The following HDAC5 variants were observed in gnomAD, a reference collection of about 807,000 sequenced individuals.
HDAC5 encodes histone deacetylase 5.
Under a neutral mutation model 133.3 loss-of-function variants are expected in HDAC5, and 25 were observed. The observed-to-expected ratio is 0.19, with a 90% CI of 0.14 to 0.26. The LOEUF is 0.26. Among genes scored for constraint, HDAC5 ranks in the 10% least tolerant of loss-of-function variants. The pLI, the probability that HDAC5 is intolerant of heterozygous loss-of-function variation, is 1.00. For missense variants in HDAC5, 1,041 were observed against 1,460.5 expected, an observed-to-expected ratio of 0.71 and a Z score of 4.68; for synonymous variants, 589 against 610.8, an observed-to-expected ratio of 0.96 and a Z score of 0.53.
At position 44,084,582 on chromosome 17, in the gene HDAC5, G is replaced by T; in HGVS notation, c.2278C>A (p.Gln760Lys). ...LLYGTSPLNR[Q>K]KLDSKKLLGP... ...AGCAACTTCTTGCTGTCTAGCTTCT[G>T]CCGGTTGAGGGGACTGGTCCCATAG... Residue 760 changes from glutamine to lysine, a missense_variant, in exon 16 of 27, where the codon CAG becomes AAG. Transcript: ENST00000682912. 2 of 1,614,124 alleles carry T rather than the reference G, an allele frequency of 1.2e-6. No homozygotes were observed. The highest frequency in any genetic ancestry group is 1.7e-6 in the Non-Finnish European group (2 of 1,180,002).
intron 3 of HDAC5, among the ~76,000 whole-genome samples, chr17:44,103,018 G>A (rs928832665): frequency 1.3e-5 from 2 of 152,080 alleles, no homozygotes; most frequent in Non-Finnish European, 2.9e-5. Context: ...TACCCTAGAG[G>A]GCAGAATCTC....
At chr17:44,102,527 A>G (rs892454574) in intron 3 of HDAC5, among the ~76,000 whole-genome samples, 3 of 151,632 alleles carry the variant, frequency 2.0e-5, no homozygotes, top group Admixed American at 6.6e-5. Flanking sequence ...CACCCAGCTA[A>G]TTTTTGTATT....
intron 3 of HDAC5, among the ~76,000 whole-genome samples, chr17:44,103,494 C>T (rs1380565095): frequency 6.6e-6 from 1 of 152,154 alleles, no homozygotes; most frequent in Admixed American, 6.5e-5. Flanking sequence ...CCACCCTGCG[C>T]TCCATGCAGG....
chr17:44,120,791 G>A (rs2052943619), intron 1 of HDAC5, among the ~76,000 whole-genome samples: 1 of 151,392 alleles, frequency 6.6e-6, no homozygotes, highest in African/African-American at 2.4e-5. Flanking sequence ...AAAGGTCAAA[G>A]GCACTAGGAA....
intron 23 of HDAC5, among the ~76,000 whole-genome samples, chr17:44,079,497 G>A (rs1472497666): frequency 6.6e-6 from 1 of 151,646 alleles, no homozygotes. Flanking sequence ...ATAATTAGCC[G>A]GCCATGGTGG....
chr17:44,114,775 T>C (rs1315238995), intron 2 of HDAC5, among the ~76,000 whole-genome samples: 1 of 152,144 alleles, frequency 6.6e-6, no homozygotes, highest in East Asian at 1.9e-4. Flanking sequence ...GAGGAGAACA[T>C]GCAGAAGCAA....
intron 3 of HDAC5, among the ~76,000 whole-genome samples, chr17:44,095,444 C>T (rs2143329806): frequency 6.6e-6 from 1 of 152,204 alleles, no homozygotes; most frequent in East Asian, 1.9e-4. Flanking sequence ...TTCTGGATAT[C>T]TCTACCCTCT....
chr17:44,111,631 G>C, intron 2 of HDAC5: 2 of 518,074 alleles, frequency 3.9e-6, no homozygotes, highest in Non-Finnish European at 3.8e-6. Flanking sequence ...TGGCACACAG[G>C]CACCTTCCCT....
chr17:44,086,956 A>G (rs2050682366), intron 13 of HDAC5, among the ~76,000 whole-genome samples: 1 of 108,368 alleles, frequency 9.2e-6, no homozygotes, highest in Admixed American at 1.2e-4. Flanking sequence ...AAAGAGTAGC[A>G]TTGAGGTAAG....
In HDAC5 at chr17:44,078,235, C is replaced by A. The variant is rs1218094333; in HGVS notation, c.*141G>T. ...AGGTGGAAGCCACAGGGCTGGGGGC[C>A]TGAGGCAGCGTAGAGGAGCAGGAGG... On this transcript the variant is annotated 3_prime_UTR_variant, in exon 27 of 27. Transcript: ENST00000682912. 8 of 848,584 alleles carry A rather than the reference C, an allele frequency of 9.4e-6. No individual in the cohort carries two copies. The highest frequency in any genetic ancestry group is 1.4e-5 in the Non-Finnish European group (8 of 579,434). 52.6% of individuals were successfully genotyped at this position (848,584 alleles called of 1,614,324 possible).
In HDAC5 at chr17:44,091,711, A is replaced by G. The variant is rs1730650336; in HGVS notation, c.1153T>C (p.Ser385Pro). 1 of 1,570,914 alleles carries G rather than the reference A, an allele frequency of 6.4e-7. No homozygotes were observed. The highest frequency in any genetic ancestry group is 2.3e-5 in the East Asian group (1 of 44,386). ...GLQATVTVTN[S>P]HLTASPKLST... Reference sequence around the variant, plus strand: ...TGCCCTGTACTTACAGTGAGGTGTGAGTTGGTGACAGTGACCGTGGCCTGC... The same window carrying G: ...TGCCCTGTACTTACAGTGAGGTGTGGGTTGGTGACAGTGACCGTGGCCTGC... The change falls in exon 10 of 27, where the codon TCA (serine) becomes CCA (proline). Residue 385 changes from serine (S) to proline (P), a missense_variant. This residue lies in a region of HDAC5 where 433 missense variants were observed against 531.6 expected (regional missense o/e 0.81). Coordinates refer to ENST00000682912, the MANE Select transcript of HDAC5 (RefSeq NM_005474.5).
At chr17:44,110,650 A>T in intron 3 of HDAC5, 79 bp downstream of exon 3, 1 of 1,154,850 alleles carries the variant, frequency 8.7e-7, no homozygotes, top group Non-Finnish European at 1.3e-6. Context: ...CTATCTGTGC[A>T]AGGCTCAGGG....
intron 3 of HDAC5, among the ~76,000 whole-genome samples, chr17:44,099,946 A>G (rs536880931): frequency 6.6e-6 from 1 of 152,266 alleles, no homozygotes; most frequent in East Asian, 1.9e-4. Context: ...CCATCAGCCC[A>G]GTGGGGACTT....
rs535570291 is a variant in HDAC5 at position 44,077,193 on chromosome 17, A to G, written c.*1183T>C. 6.5e-6 allele frequency: 1 copy of G among 152,800 alleles called. No individual in the cohort carries two copies. Among genetic ancestry groups the G allele is most frequent in the African/African-American group, 2.4e-5 (1 of 41,518 alleles). The allele number at this position is 152,800 out of a possible 1,614,324, so 9.5% of individuals were successfully genotyped here. A position where few individuals can be genotyped will look rare whatever the true frequency, so the allele number is the denominator to read the frequency against. ...AGCCACTTCCCATCTTTGGTTTCCT[A>G]CAGGCTGGATGGCATCCCCTGGAAG... On this transcript the variant is annotated 3_prime_UTR_variant, in exon 27 of 27. Transcript: ENST00000682912.
Position 44,091,797 on chromosome 17 carries a change from C to A in HDAC5, c.1067G>T (p.Ser356Ile). ...LPQHRALPLD[S>I]SPNQFSLYTS... ...GTAGAGGCTGAACTGGTTGGGGGAG[C>A]TGTCCAGAGGGAGGGCTCGGTGCTG... Residue 356 changes from serine to isoleucine, a missense_variant, in exon 10 of 27, where the codon AGC becomes ATC. Ser to Ile is a moderately radical substitution (Grantham distance 142, BLOSUM62 -2). This residue lies in a region of HDAC5 where 433 missense variants were observed against 531.6 expected (regional missense o/e 0.81). Coordinates refer to ENST00000682912, the MANE Select transcript of HDAC5 (RefSeq NM_005474.5). 1 of 1,596,804 alleles carries A rather than the reference C, an allele frequency of 6.3e-7. No homozygotes were observed. The highest frequency in any genetic ancestry group is 1.3e-5 in the African/African-American group (1 of 74,404).
intron 3 of HDAC5, among the ~76,000 whole-genome samples, chr17:44,107,884 G>A (rs2052068749): frequency 6.6e-6 from 1 of 152,112 alleles, no homozygotes; most frequent in Non-Finnish European, 1.5e-5. Flanking sequence ...CATGGGAAAA[G>A]CAGACTCCTC....
At chr17:44,097,846 A>G (rs1597986020) in intron 3 of HDAC5, among the ~76,000 whole-genome samples, 1 of 152,368 alleles carries the variant, frequency 6.6e-6, no homozygotes, top group East Asian at 1.9e-4. Flanking sequence ...CCCTGCAGAG[A>G]GCACATGGGC....
intron 3 of HDAC5, among the ~76,000 whole-genome samples, chr17:44,108,821 C>A (rs1485943089): frequency 6.6e-6 from 1 of 151,514 alleles, no homozygotes; most frequent in Non-Finnish European, 1.5e-5. Context: ...CTGTCCCTAG[C>A]CGCGTCACAG....
rs2050501761 is a variant in HDAC5 at position 44,083,623 on chromosome 17, C to T, written c.2385G>A (p.Met795Ile). ...GVDSDTVWNE[M>I]HSSSAVRMAV... ...CCATGCGCACAGCACTGGAGGAGTGCATCTCATTCCACACGGTGTCACTGT... is the reference window on the plus strand; with the variant it reads ...CCATGCGCACAGCACTGGAGGAGTGTATCTCATTCCACACGGTGTCACTGT... The change falls in exon 18 of 27, where the codon ATG (methionine) becomes ATA (isoleucine). Residue 795 changes from methionine (M) to isoleucine (I), a missense_variant. By Grantham distance (10) the Met-to-Ile change is conservative (BLOSUM62 1). Around this residue, in one of 9 missense-constraint regions of HDAC5, gnomAD observed 174 missense variants for 352.7 expected, o/e 0.49. Transcript: ENST00000682912. 6.2e-7 allele frequency: 1 copy of T among 1,614,130 alleles called. No individual in the cohort carries two copies. Among genetic ancestry groups the T allele is most frequent in the East Asian group, 2.2e-5 (1 of 44,888 alleles).
Sources: allele counts gnomAD v4.1 joint callset (sites outside exome capture counted in the v4.1 genomes callset), GRCh38; gene constraint gnomAD v4.1.1; regional missense constraint gnomAD v4.1.1; transcripts MANE v1.5; gene names NCBI Gene and HGNC (gene_info 2026-07-23, HGNC 2026-07-21).